CTNND2: variants seen among roughly 807,000 people sequenced by gnomAD.
The protein encoded by CTNND2 is catenin delta 2.
CTNND2 carries 22 observed loss-of-function variants against 144.4 expected under a neutral mutation model. That is an observed-to-expected ratio of 0.15 (90% CI 0.11 to 0.22). CTNND2 has a LOEUF of 0.22. CTNND2 is among the 10% of genes least tolerant of loss of function. The pLI is 1.00. For synonymous variants in CTNND2, 751 were observed against 695.6 expected (o/e 1.08, Z -1.25); for missense variants, 1,353 against 1,618.8 (o/e 0.84, Z 2.82).
chr5:11,366,692 A>C (rs1042383747), intron 7 of CTNND2, among the ~76,000 whole-genome samples: 5 of 149,048 alleles, frequency 3.4e-5, no homozygotes, highest in Non-Finnish European at 7.5e-5. Flanking sequence ...AAAAAAAAAA[A>C]CAGTCATCAC....
intron 15 of CTNND2, among the ~76,000 whole-genome samples, chr5:11,096,972 C>T (rs1239292573): frequency 6.6e-6 from 1 of 152,166 alleles, no homozygotes; most frequent in African/African-American, 2.4e-5. Context: ...TCTTTTAGCT[C>T]ATGAGCACGT....
chr5:11,524,204 C>A (rs772707066), intron 3 of CTNND2, among the ~76,000 whole-genome samples: 1 of 152,130 alleles, frequency 6.6e-6, no homozygotes, highest in Non-Finnish European at 1.5e-5. Context: ...CTTCCCACGT[C>A]CCCTCCACAG....
intron 3 of CTNND2, among the ~76,000 whole-genome samples, chr5:11,479,307 T>C (rs31938): frequency 0.039 from 5,910 of 152,288 alleles, 314 homozygotes; most frequent in African/African-American, 0.13. Context: ...GCTCCATCCA[T>C]GTTCTGGCAC....
chr5:11,703,742 T>C (rs141040459), intron 2 of CTNND2, among the ~76,000 whole-genome samples: 2 of 152,298 alleles, frequency 1.3e-5, no homozygotes, highest in East Asian at 3.9e-4. Context: ...GAATGGATTT[T>C]TAAAAAGGGT....
chr5:11,173,551 T>A lies in CTNND2; in HGVS notation c.1976-13792A>T, dbSNP rs185391633. 2.6e-4 allele frequency among the ~76,000 whole-genome samples: 39 copies of A among 152,314 alleles called. 1 individual carries two copies. The highest frequency in any genetic ancestry group is 2.1e-3 in the Admixed American group (32 of 15,300). ...CTAAAAAGGACCTCAGAGGCCACTA[T>A]AAGAAGTTTCAATTTTATCCACCAA... On this transcript the variant is annotated intron_variant, in intron 11 of 21. Coordinates refer to ENST00000304623, the MANE Select transcript of CTNND2 (RefSeq NM_001332.4).
intron 15 of CTNND2, chr5:11,084,032 A>G: frequency 1.2e-6 from 1 of 835,338 alleles, no homozygotes; most frequent in Non-Finnish European, 1.5e-6. Flanking sequence ...GTTTCTTATC[A>G]CCATCAACCC....
chr5:11,741,797 G>A (rs1788032274), intron 1 of CTNND2, among the ~76,000 whole-genome samples: 1 of 146,584 alleles, frequency 6.8e-6, no homozygotes, highest in South Asian at 2.1e-4. Context: ...TAGTATACAT[G>A]TATATATTAC....
chr5:11,556,762 A>AG (rs1776268782), intron 3 of CTNND2, among the ~76,000 whole-genome samples: 1 of 150,812 alleles, frequency 6.6e-6, no homozygotes, highest in Non-Finnish European at 1.5e-5. Context: ...CTCTTTGCAA[A>AG]AGTTCAATAG....
At chr5:11,216,230 C>G (rs999551193) in intron 10 of CTNND2, among the ~76,000 whole-genome samples, 1 of 152,168 alleles carries the variant, frequency 6.6e-6, no homozygotes, top group Non-Finnish European at 1.5e-5. Context: ...GCCCCCCCAC[C>G]GCCACCCTAT....
At chr5:11,585,134 G>T (rs539965752) in intron 2 of CTNND2, among the ~76,000 whole-genome samples, 1 of 152,190 alleles carries the variant, frequency 6.6e-6, no homozygotes, top group African/African-American at 2.4e-5. Flanking sequence ...GGTGGTAACA[G>T]GAGACCACCC....
At chr5:11,196,913 G>T (rs32270) in intron 11 of CTNND2, among the ~76,000 whole-genome samples, 75,723 of 152,070 alleles carry the variant, frequency 0.5, 19,702 homozygotes, top group African/African-American at 0.66. Context: ...CTCATTTTAG[G>T]TTTGCTTTGT....
intron 8 of CTNND2, among the ~76,000 whole-genome samples, chr5:11,363,241 GT>G (rs1419528382): frequency 6.6e-5 from 10 of 151,564 alleles, no homozygotes; most frequent in South Asian, 4.2e-4. Flanking sequence ...ATGAATTAAA[GT>G]TTTTTTTTCT....
At chr5:11,359,453 A>G (rs971352074) in intron 8 of CTNND2, among the ~76,000 whole-genome samples, 1 of 152,140 alleles carries the variant, frequency 6.6e-6, no homozygotes, top group African/African-American at 2.4e-5. Context: ...GTCCTGCAAG[A>G]AAGATGTGGC....
At chr5:11,095,083 G>A (rs1047327334) in intron 15 of CTNND2, among the ~76,000 whole-genome samples, 1 of 152,180 alleles carries the variant, frequency 6.6e-6, no homozygotes, top group Non-Finnish European at 1.5e-5. Context: ...TAAAGTAGAA[G>A]AGACTCTTAA....
At chr5:11,078,275 G>T (rs1175390658) in intron 16 of CTNND2, among the ~76,000 whole-genome samples, 1 of 152,114 alleles carries the variant, frequency 6.6e-6, no homozygotes, top group Non-Finnish European at 1.5e-5. Flanking sequence ...AACCACTTGG[G>T]TACAGTATTT....
At chr5:11,854,133 C>T (rs1244119545) in intron 1 of CTNND2, among the ~76,000 whole-genome samples, 2 of 152,224 alleles carry the variant, frequency 1.3e-5, no homozygotes, top group African/African-American at 4.8e-5. Flanking sequence ...ACGTTCAGCA[C>T]ACTGCCACGG....
intron 17 of CTNND2, among the ~76,000 whole-genome samples, chr5:11,021,480 G>A (rs1392603294): frequency 6.6e-6 from 1 of 152,106 alleles, no homozygotes; most frequent in Non-Finnish European, 1.5e-5. Flanking sequence ...AAAACCATAT[G>A]GTTTCCTGCC....
intron 1 of CTNND2, among the ~76,000 whole-genome samples, chr5:11,807,781 A>C (rs1792088279): frequency 6.6e-6 from 1 of 152,188 alleles, no homozygotes; most frequent in South Asian, 2.1e-4. Context: ...CCACAGGCCT[A>C]CTTCACCAAA....
chr5:11,216,561 G>GA (rs1739221221), intron 10 of CTNND2, among the ~76,000 whole-genome samples: 1 of 152,194 alleles, frequency 6.6e-6, no homozygotes, highest in African/African-American at 2.4e-5. Context: ...CTTCACCCTA[G>GA]AGGCTCCAGA....
Sources: gnomAD v4.1 joint callset for allele counts (sites outside exome capture counted in the v4.1 genomes callset) on GRCh38, gnomAD v4.1.1 for gene constraint, MANE v1.5 for transcripts, NCBI Gene and HGNC (gene_info 2026-07-23, HGNC 2026-07-21) for gene names.